CADM2: variants seen among roughly 807,000 people sequenced by gnomAD.
CADM2 encodes the protein cell adhesion molecule 2.
A neutral mutation model predicts 49.8 loss-of-function variants in CADM2; 12 were observed. The ratio of observed to expected loss-of-function variants is 0.24; its 90% CI spans 0.15 to 0.39. The LOEUF (loss-of-function observed/expected upper bound fraction) is 0.39, where lower values mean the gene tolerates loss of function less well. Among genes scored for constraint, CADM2 ranks in the 10% least tolerant of loss-of-function variants. The pLI is 1.00. For missense variants in CADM2, 378 were observed against 492.3 expected (o/e 0.77, Z 2.20); for synonymous variants, 214 against 175.4 (o/e 1.22, Z -1.74).
intron 1 of CADM2, among the ~76,000 whole-genome samples, chr3:85,174,078 C>T (rs1466099092): frequency 6.6e-6 from 1 of 152,046 alleles, no homozygotes; most frequent in East Asian, 1.9e-4. Flanking sequence ...TTTGAAAATG[C>T]ACAGTGGGCT....
At chr3:85,716,623 G>T in intron 1 of CADM2, among the ~76,000 whole-genome samples, 1 of 152,016 alleles carries the variant, frequency 6.6e-6, no homozygotes, top group East Asian at 1.9e-4. Context: ...GGGTTTTTAT[G>T]GTTTTAGTTC....
At chr3:85,408,069 T>C (rs931450189) in intron 1 of CADM2, among the ~76,000 whole-genome samples, 17 of 145,728 alleles carry the variant, frequency 1.2e-4, no homozygotes, top group Non-Finnish European at 2.3e-4. Flanking sequence ...AGCAATAATT[T>C]TATTTAAAAA....
At chr3:85,346,469 G>T (rs1281585981) in intron 1 of CADM2, among the ~76,000 whole-genome samples, 1 of 152,070 alleles carries the variant, frequency 6.6e-6, no homozygotes, top group African/African-American at 2.4e-5. Context: ...CATGTGATCA[G>T]ATGCATTAAG....
chr3:85,451,840 G>A (rs73843618), intron 1 of CADM2, among the ~76,000 whole-genome samples: 29 of 152,126 alleles, frequency 1.9e-4, no homozygotes, highest in African/African-American at 6.7e-4. Context: ...AGCTATTATC[G>A]TGAAGTGTCA....
At chr3:85,117,640 T>C (rs2038688115) in intron 1 of CADM2, among the ~76,000 whole-genome samples, 1 of 152,174 alleles carries the variant, frequency 6.6e-6, no homozygotes, top group African/African-American at 2.4e-5. Context: ...ACTAATGAAT[T>C]GTTTATCACT....
intron 1 of CADM2, among the ~76,000 whole-genome samples, chr3:85,095,825 C>T (rs2037774002): frequency 6.6e-6 from 1 of 151,946 alleles, no homozygotes; most frequent in Non-Finnish European, 1.5e-5. Flanking sequence ...TCTGGGAAGC[C>T]CTGGTCTGAC....
intron 7 of CADM2, among the ~76,000 whole-genome samples, chr3:85,944,931 G>A (rs1382817231): frequency 6.6e-6 from 1 of 151,942 alleles, no homozygotes; most frequent in Non-Finnish European, 1.5e-5. Context: ...TAAGATCAGA[G>A]CAGAACTGAA....
chr3:85,135,054 TA>T (rs1334331696), intron 1 of CADM2, among the ~76,000 whole-genome samples: 3 of 151,972 alleles, frequency 2.0e-5, no homozygotes, highest in Admixed American at 6.6e-5. Context: ...ATGTCTCTGA[TA>T]AAAATTATTT....
In CADM2 at chr3:86,071,440, T is replaced by C. The variant is rs1400573685; in HGVS notation, c.*4657T>C. 6.6e-6 allele frequency: 1 copy of C among 151,838 alleles called. No individual in the cohort carries two copies. Among genetic ancestry groups the C allele is most frequent in the Admixed American group, 6.6e-5 (1 of 15,212 alleles). 9.4% of individuals were successfully genotyped at this position (151,838 alleles called of 1,614,324 possible). On this transcript the variant is annotated 3_prime_UTR_variant, in exon 10 of 10. Transcript: ENST00000383699. The stretch of plus-strand genomic sequence containing the variant: ...AAAGAGAGTTAAAGGGGACAACATA[T>C]AACAATGGGTTCTAAAATCATCAGC...
At chr3:85,648,021 G>T (rs1382130173) in intron 1 of CADM2, among the ~76,000 whole-genome samples, 1 of 151,520 alleles carries the variant, frequency 6.6e-6, no homozygotes, top group Non-Finnish European at 1.5e-5. Context: ...ATGTGCAATT[G>T]AAATGAGTTA....
chr3:85,212,316 T>G (rs1489318016), intron 1 of CADM2, among the ~76,000 whole-genome samples: 1 of 152,174 alleles, frequency 6.6e-6, no homozygotes, highest in African/African-American at 2.4e-5. Context: ...CATTTTGTTA[T>G]TTGTTTTCTG....
intron 1 of CADM2, among the ~76,000 whole-genome samples, chr3:85,281,789 A>G (rs2043505801): frequency 6.6e-6 from 1 of 152,118 alleles, no homozygotes. Context: ...CATGTCTAAA[A>G]GCTTTCTCTC....
chr3:85,773,684 A>G (rs576340600), intron 2 of CADM2, among the ~76,000 whole-genome samples: 140 of 152,096 alleles, frequency 9.2e-4, no homozygotes, highest in African/African-American at 3.0e-3. Context: ...TCTTTCAGAG[A>G]AAGACTAGAG....
Position 85,415,278 on chromosome 3 carries a change from G to A in CADM2, c.62-311244G>A, listed in dbSNP as rs570254208. On this transcript the variant is annotated intron_variant, in intron 1 of 9. Coordinates refer to ENST00000383699, the MANE Select transcript of CADM2 (RefSeq NM_001167675.2). ...TTCGTGGACTTAAGAATTGCCCCTA[G>A]TTGGTTTAAATATATTTCCGGGTTC... Among the ~76,000 whole-genome samples the A allele has an allele frequency of 5.9e-5, 9 of 152,090 alleles. No individual in the cohort carries two copies. In the South Asian group the frequency reaches 1.9e-3, roughly 32 times the overall value.
intron 2 of CADM2, among the ~76,000 whole-genome samples, chr3:85,763,812 T>A (rs2069514608): frequency 1.3e-5 from 2 of 152,166 alleles, no homozygotes; most frequent in South Asian, 4.1e-4. Context: ...CCACAGCTTT[T>A]CATCAAAGAG....
intron 1 of CADM2, among the ~76,000 whole-genome samples, chr3:85,118,426 G>A (rs1045787414): frequency 3.3e-5 from 5 of 152,110 alleles, no homozygotes; most frequent in African/African-American, 7.2e-5. Flanking sequence ...CCAGTTCCAC[G>A]TAGCTGGGGA....
At chr3:85,572,659 C>CTGAG (rs2062513633) in intron 1 of CADM2, among the ~76,000 whole-genome samples, 1 of 152,168 alleles carries the variant, frequency 6.6e-6, no homozygotes, top group Admixed American at 6.5e-5. Context: ...GGCCAAAAGC[C>CTGAG]TGAGAATCAG....
intron 3 of CADM2, among the ~76,000 whole-genome samples, chr3:85,837,047 T>A (rs1243327921): frequency 6.6e-6 from 1 of 151,600 alleles, no homozygotes; most frequent in Non-Finnish European, 1.5e-5. Context: ...TTCAATGAAT[T>A]TTTTTTCAAA....
At chr3:85,394,291 C>G (rs2034664402) in intron 1 of CADM2, among the ~76,000 whole-genome samples, 1 of 151,800 alleles carries the variant, frequency 6.6e-6, no homozygotes, top group Non-Finnish European at 1.5e-5. Context: ...AATATTATTA[C>G]CATAATAAAT....
Sources: allele counts gnomAD v4.1 joint callset (sites outside exome capture counted in the v4.1 genomes callset), GRCh38; gene constraint gnomAD v4.1.1; transcripts MANE v1.5; gene names NCBI Gene and HGNC (gene_info 2026-07-23, HGNC 2026-07-21).